PRKN: variants seen among roughly 807,000 people sequenced by gnomAD.
PRKN encodes parkin RBR E3 ubiquitin protein ligase.
In PRKN, 56 loss-of-function variants were observed where a neutral mutation model predicts 59.5. The observed-to-expected ratio is 0.94, with a 90% confidence interval of 0.76 to 1.18. The LOEUF (loss-of-function observed/expected upper bound fraction) is 1.18. Ranked by LOEUF, PRKN falls within the 50% of genes most tolerant of loss-of-function variation. The pLI is 0.00. For missense variants in PRKN, 657 were observed against 596.4 expected (o/e 1.10, Z -1.06); for synonymous variants, 250 against 222.1 (o/e 1.13, Z -1.12).
chr6:161,745,256 A>G (rs947190460), intron 7 of PRKN, among the ~76,000 whole-genome samples: 2 of 152,220 alleles, frequency 1.3e-5, no homozygotes, highest in Non-Finnish European at 2.9e-5. Context: ...ACATGTTTCC[A>G]GAGGGGGCCC....
intron 7 of PRKN, among the ~76,000 whole-genome samples, chr6:161,683,774 T>C (rs1263869268): frequency 6.6e-6 from 1 of 152,104 alleles, no homozygotes; most frequent in Non-Finnish European, 1.5e-5. Flanking sequence ...TGTTGGGGTG[T>C]GGTGAGACGG....
At chr6:162,172,617 A>C (rs916634579) in intron 4 of PRKN, among the ~76,000 whole-genome samples, 9 of 152,210 alleles carry the variant, frequency 5.9e-5, no homozygotes, top group African/African-American at 2.2e-4. Context: ...GGTGAGAACT[A>C]AATGAGTTAA....
chr6:161,925,280 T>C (rs768577346), intron 6 of PRKN, among the ~76,000 whole-genome samples: 1 of 152,194 alleles, frequency 6.6e-6, no homozygotes, highest in Non-Finnish European at 1.5e-5. Flanking sequence ...TGTTTAAAAA[T>C]GTCTTTAGAG....
rs528261279 is a variant in PRKN, at chr6:161,807,998, T to C, written c.735-22090A>G. ...GTGCTGAAGTGATATGTCATTTACA[T>C]TTTCTGTCTGAGTTCCTGTATTGTG... On this transcript the variant is annotated intron_variant, in intron 6 of 11. Coordinates refer to ENST00000366898, the MANE Select transcript of PRKN (RefSeq NM_004562.3). Among the ~76,000 whole-genome samples, 282 of 152,296 alleles carry C rather than the reference T, an allele frequency of 1.9e-3. 1 individual carries two copies. The highest frequency in any genetic ancestry group is 3.4e-3 in the Middle Eastern group (1 of 294).
intron 7 of PRKN, among the ~76,000 whole-genome samples, chr6:161,709,105 T>C (rs879256588): frequency 2.0e-5 from 3 of 152,190 alleles, no homozygotes; most frequent in Admixed American, 2.0e-4. Flanking sequence ...ATCTTAGTTT[T>C]AAAGGTTGAG....
intron 6 of PRKN, among the ~76,000 whole-genome samples, chr6:161,942,828 G>GC (rs1395827320): frequency 1.3e-5 from 2 of 152,118 alleles, no homozygotes; most frequent in African/African-American, 2.4e-5. Context: ...AAAAAATACA[G>GC]CATATACCCC....
At chr6:161,469,625 C>T (rs1790677927) in intron 9 of PRKN, among the ~76,000 whole-genome samples, 1 of 151,866 alleles carries the variant, frequency 6.6e-6, no homozygotes, top group South Asian at 2.1e-4. Flanking sequence ...GGTTACTTTG[C>T]TGGTTTTGAA....
chr6:162,384,347 A>G (rs975089348), intron 2 of PRKN, among the ~76,000 whole-genome samples: 1 of 152,050 alleles, frequency 6.6e-6, no homozygotes, highest in African/African-American at 2.4e-5. Context: ...TTTCAATATT[A>G]TTTTGTCTCC....
chr6:162,712,130 T>C (rs1382872445), intron 1 of PRKN, among the ~76,000 whole-genome samples: 1 of 152,192 alleles, frequency 6.6e-6, no homozygotes, highest in African/African-American at 2.4e-5. Context: ...ACAGGTGGCC[T>C]ATTCATGTAA....
intron 7 of PRKN, among the ~76,000 whole-genome samples, chr6:161,614,361 A>C (rs1003209719): frequency 6.6e-6 from 1 of 152,252 alleles, no homozygotes; most frequent in African/African-American, 2.4e-5. Flanking sequence ...TGAGGACCAA[A>C]GAGGGCTCTA....
chr6:162,090,157 T>C (rs1583016995), intron 4 of PRKN, among the ~76,000 whole-genome samples: 1 of 138,752 alleles, frequency 7.2e-6, no homozygotes, highest in Non-Finnish European at 1.7e-5. Flanking sequence ...TGTGTGTGTG[T>C]CTGTGTACAG....
intron 3 of PRKN, among the ~76,000 whole-genome samples, chr6:162,222,487 A>C (rs2128081422): frequency 6.6e-6 from 1 of 152,312 alleles, no homozygotes; most frequent in African/African-American, 2.4e-5. Flanking sequence ...AGGAGCTGAA[A>C]GCAACCATGG....
chr6:162,300,245 C>A (rs1166023947), intron 2 of PRKN, among the ~76,000 whole-genome samples: 2 of 147,790 alleles, frequency 1.4e-5, no homozygotes, highest in Admixed American at 1.4e-4. Context: ...TTTCTGAACA[C>A]AGTGGCTTTT....
At chr6:162,331,166 T>TAA (rs34916695) in intron 2 of PRKN, among the ~76,000 whole-genome samples, 4,528 of 141,466 alleles carry the variant, frequency 0.032, 243 homozygotes, top group African/African-American at 0.11. Context: ...CCATCTCTAT[T>TAA]AAAAAAAAAA....
intron 5 of PRKN, among the ~76,000 whole-genome samples, chr6:162,028,397 G>A (rs1466742765): frequency 2.6e-5 from 4 of 152,188 alleles, no homozygotes; most frequent in African/African-American, 9.7e-5. Flanking sequence ...CTGAAACGGA[G>A]AGGTTTGGGG....
chr6:161,796,897 G>C (rs1790873299), intron 6 of PRKN, among the ~76,000 whole-genome samples: 1 of 152,182 alleles, frequency 6.6e-6, no homozygotes, highest in Non-Finnish European at 1.5e-5. Context: ...GTGCAAAACA[G>C]CTAGAAGCAG....
chr6:161,661,960 T>C (rs1300045571), intron 7 of PRKN, among the ~76,000 whole-genome samples: 1 of 151,930 alleles, frequency 6.6e-6, no homozygotes, highest in Non-Finnish European at 1.5e-5. Context: ...GAGGCAGAGG[T>C]TGCAGTGAGC....
At chr6:162,625,665 GTATT>G (rs1212906113) in intron 1 of PRKN, among the ~76,000 whole-genome samples, 1 of 151,410 alleles carries the variant, frequency 6.6e-6, no homozygotes, top group Non-Finnish European at 1.5e-5. Flanking sequence ...GTGTGTATAT[GTATT>G]TATGTATGTG....
intron 4 of PRKN, among the ~76,000 whole-genome samples, chr6:162,070,453 TG>T (rs1383485368): frequency 6.6e-6 from 1 of 152,122 alleles, no homozygotes; most frequent in African/African-American, 2.4e-5. Context: ...GATGGTTCAG[TG>T]GGACTGAATG....
Sources: allele counts gnomAD v4.1 joint callset (sites outside exome capture counted in the v4.1 genomes callset), GRCh38; gene constraint gnomAD v4.1.1; transcripts MANE v1.5; gene names NCBI Gene and HGNC (gene_info 2026-07-23, HGNC 2026-07-21).